The following PRUNE2 variants were observed in gnomAD, a reference collection of about 807,000 sequenced individuals.
PRUNE2 encodes the protein prune homolog 2 with BCH domain.
Under a neutral mutation model 252.0 loss-of-function variants are expected in PRUNE2, and 164 were observed. The observed-to-expected ratio is 0.65, with a 90% CI of 0.57 to 0.74. The LOEUF is 0.74. PRUNE2 is among the 30% of genes least tolerant of loss of function. The pLI, the probability that PRUNE2 is intolerant of heterozygous loss-of-function variation, is 0.00. For missense variants in PRUNE2, 3,495 were observed against 3,711.0 expected, an observed-to-expected ratio of 0.94 and a Z score of 1.51; for synonymous variants, 1,292 against 1,350.2, an observed-to-expected ratio of 0.96 and a Z score of 0.94.
chr9:76,693,829 C>T (rs1455503929), intron 9 of PRUNE2, among the ~76,000 whole-genome samples: 2 of 152,094 alleles, frequency 1.3e-5, no homozygotes, highest in Non-Finnish European at 2.9e-5. Context: ...CTACAAAATT[C>T]TTCATAATTA....
At position 76,843,553 on chromosome 9, in the gene PRUNE2, A is replaced by G. The variant is rs369185378; in HGVS notation, c.508+2962T>C. Among the ~76,000 whole-genome samples the G allele has an allele frequency of 1.6e-3, 243 of 152,344 alleles. 1 individual carries two copies. Among genetic ancestry groups the G allele is most frequent in the African/African-American group, 5.5e-3 (230 of 41,580 alleles). ...ATCCAAAGTAACATGGTAGCTGCTTATAAAGAGAACCCTTTCTAAAGAGAA... is the reference window on the plus strand; with the variant it reads ...ATCCAAAGTAACATGGTAGCTGCTTGTAAAGAGAACCCTTTCTAAAGAGAA... On this transcript the variant is annotated intron_variant, in intron 4 of 18. Transcript: ENST00000376718.
At position 76,707,664 on chromosome 9, in the gene PRUNE2, G is replaced by C. The variant is rs771583792; in HGVS notation, c.4610C>G (p.Ser1537Cys). Reference protein sequence around the residue: ...SSGNFDRDTISSEYTHSSASS... With the variant: ...SSGNFDRDTICSEYTHSSASS... The stretch of plus-strand genomic sequence containing the variant: ...TGCACTTGAATGAGTATACTCACTA[G>C]AAATAGTATCTCTGTCAAAATTTCC... Residue 1537 changes from serine (S) to cysteine (C), a missense_variant, in exon 8 of 19, where the codon TCT (serine) becomes TGT (cysteine). Physicochemically the swap from Ser to Cys is moderately radical, Grantham distance 112. Transcript: ENST00000376718. The C allele has an allele frequency of 1.2e-6, 2 of 1,613,782 alleles. No homozygotes were observed. Among genetic ancestry groups the C allele is most frequent in the Non-Finnish European group, 1.7e-6 (2 of 1,179,870 alleles).
At chr9:76,669,306 G>C (rs2040841221) in intron 9 of PRUNE2, among the ~76,000 whole-genome samples, 1 of 118,694 alleles carries the variant, frequency 8.4e-6, no homozygotes, top group Non-Finnish European at 1.8e-5. Flanking sequence ...TCTCAAGAAT[G>C]TTCTTTTCTT....
At position 76,623,514 on chromosome 9, in the gene PRUNE2, C is replaced by T. The variant is rs570675313; in HGVS notation, c.9188+938G>A. 9.7e-4 allele frequency among the ~76,000 whole-genome samples: 147 copies of T among 152,154 alleles called. 2 individuals are homozygous for T. Among genetic ancestry groups the T allele is most frequent in the African/African-American group, 3.4e-3 (142 of 41,504 alleles). ...TTCACCATGTTGGCCAGGATGGTCT[C>T]GATCTCCTGACCTCGTGATCCACCC... On this transcript the variant is annotated intron_variant, in intron 17 of 18. Coordinates refer to ENST00000376718, the MANE Select transcript of PRUNE2 (RefSeq NM_015225.3).
At chr9:76,888,067 C>G (rs993155738) in intron 1 of PRUNE2, among the ~76,000 whole-genome samples, 5 of 152,016 alleles carry the variant, frequency 3.3e-5, no homozygotes, top group Non-Finnish European at 7.4e-5. Context: ...AAGCATGAAC[C>G]AAAAACACAT....
At chr9:76,634,066 C>T (rs1471653777) in intron 15 of PRUNE2, among the ~76,000 whole-genome samples, 1 of 152,118 alleles carries the variant, frequency 6.6e-6, no homozygotes, top group Admixed American at 6.5e-5. Flanking sequence ...AAGCCATGAT[C>T]GTGCCACTGC....
rs779862610 is a variant in PRUNE2, at chr9:76,710,584, C to T, written c.1690G>A (p.Val564Met). The T allele has an allele frequency of 3.1e-6, 5 of 1,613,842 alleles. No homozygotes were observed. In the South Asian group the frequency reaches 5.5e-5, roughly 18 times the overall value. Residue 564 changes from valine to methionine, a missense_variant, in exon 8 of 19, where the codon GTG becomes ATG. Val to Met is a conservative substitution (Grantham distance 21). Coordinates refer to ENST00000376718, the MANE Select transcript of PRUNE2 (RefSeq NM_015225.3). ...LLSGAGKDSLVEHDEEFVQRQ... is the reference protein window; with the variant it reads ...LLSGAGKDSLMEHDEEFVQRQ... The stretch of plus-strand genomic sequence containing the variant: ...TGGACAAACTCCTCATCATGTTCCA[C>T]AAGGCTATCTTTGCCAGCCCCTGAC...
Position 76,707,953 on chromosome 9 carries a change from C to G in PRUNE2, c.4321G>C (p.Gly1441Arg), listed in dbSNP as rs1457026822. ...EKHLMSQRNS[G>R]ETTETSDGMN... is the part of the protein sequence containing the mutation. ...CCATCTGAAGTCTCAGTAGTTTCAC[C>G]TGAATTTCTTTGACTCATGAGGTGT... The change falls in exon 8 of 19, where the codon GGT (glycine) becomes CGT (arginine). Residue 1441 changes from glycine to arginine, a missense_variant. Transcript: ENST00000376718. The G allele has an allele frequency of 6.2e-7, 1 of 1,613,876 alleles. No individual in the cohort carries two copies. Among genetic ancestry groups the G allele is most frequent in the Non-Finnish European group, 8.5e-7 (1 of 1,179,868 alleles).
In PRUNE2 at chr9:76,613,780, T is replaced by C. The variant is rs1256277255; in HGVS notation, c.*790A>G. 6.6e-6 allele frequency: 1 copy of C among 152,202 alleles called. No individual in the cohort carries two copies. The highest frequency in any genetic ancestry group is 6.5e-5 in the Admixed American group (1 of 15,274). 9.4% of individuals were successfully genotyped at this position (152,202 alleles called of 1,614,324 possible). ...CCAAATGATTTTTGAGTAGGCCACCTTGCACTTGAGTTCTTGGCACTTAAA... is the reference window on the plus strand; with the variant it reads ...CCAAATGATTTTTGAGTAGGCCACCCTGCACTTGAGTTCTTGGCACTTAAA... On this transcript the variant is annotated 3_prime_UTR_variant, in exon 19 of 19. Transcript: ENST00000376718.
At chr9:76,880,713 C>G (rs1000074547) in intron 1 of PRUNE2, among the ~76,000 whole-genome samples, 1 of 152,182 alleles carries the variant, frequency 6.6e-6, no homozygotes, top group African/African-American at 2.4e-5. Context: ...GAAGCATTAT[C>G]TAGAAGTAAA....
At chr9:76,837,905 G>A (rs910240745) in intron 4 of PRUNE2, among the ~76,000 whole-genome samples, 8 of 151,202 alleles carry the variant, frequency 5.3e-5, no homozygotes, top group African/African-American at 1.9e-4. Flanking sequence ...CTGAGTAGCT[G>A]GGACTACAGG....
intron 5 of PRUNE2, among the ~76,000 whole-genome samples, chr9:76,825,212 CT>C (rs1460350508): frequency 2.6e-5 from 4 of 152,210 alleles, no homozygotes; most frequent in Non-Finnish European, 5.9e-5. Context: ...GTAACAAATC[CT>C]GATTTGTAGT....
At chr9:76,694,482 C>A (rs1288817008) in intron 9 of PRUNE2, among the ~76,000 whole-genome samples, 3 of 152,112 alleles carry the variant, frequency 2.0e-5, no homozygotes, top group African/African-American at 7.2e-5. Flanking sequence ...CACATCCGGC[C>A]TAATTCTGTT....
chr9:76,669,401 C>A (rs1256604182), intron 9 of PRUNE2, among the ~76,000 whole-genome samples: 1 of 152,070 alleles, frequency 6.6e-6, no homozygotes, highest in South Asian at 2.1e-4. Flanking sequence ...CTCACTGCAA[C>A]CTCCGCCTCC....
chr9:76,875,063 C>G (rs1174826014), intron 1 of PRUNE2, among the ~76,000 whole-genome samples: 2 of 152,118 alleles, frequency 1.3e-5, no homozygotes, highest in Non-Finnish European at 2.9e-5. Flanking sequence ...TGTGTTTCAA[C>G]CATACAGACA....
chr9:76,837,198 C>T (rs898033056), intron 4 of PRUNE2, among the ~76,000 whole-genome samples: 6 of 152,052 alleles, frequency 3.9e-5, no homozygotes, highest in Admixed American at 6.6e-5. Context: ...AATCCCAGAA[C>T]TTTGGGAGGC....
At chr9:76,880,320 G>A (rs532805317) in intron 1 of PRUNE2, among the ~76,000 whole-genome samples, 3 of 152,300 alleles carry the variant, frequency 2.0e-5, no homozygotes, top group South Asian at 2.1e-4. Flanking sequence ...TCCTCAGACC[G>A]CAGGGGGGTC....
chr9:76,754,976 A>C (rs2050986433), intron 6 of PRUNE2, among the ~76,000 whole-genome samples: 1 of 150,590 alleles, frequency 6.6e-6, no homozygotes, highest in African/African-American at 2.4e-5. Context: ...AAAAAAAAAA[A>C]AAAAAAAAAA....
At chr9:76,861,720 G>C (rs2060558460) in intron 1 of PRUNE2, among the ~76,000 whole-genome samples, 1 of 151,634 alleles carries the variant, frequency 6.6e-6, no homozygotes, top group South Asian at 2.1e-4. Context: ...ATATACTTCT[G>C]GATATAGTTT....
Sources: allele counts gnomAD v4.1 joint callset (sites outside exome capture counted in the v4.1 genomes callset), GRCh38; gene constraint gnomAD v4.1.1; transcripts MANE v1.5; gene names NCBI Gene and HGNC (gene_info 2026-07-23, HGNC 2026-07-21).